Variants in EPB41L1 observed in about 807,000 individuals in gnomAD.
EPB41L1 encodes the protein band 4.1-like protein 1.
Under a neutral mutation model 97.8 loss-of-function variants are expected in EPB41L1, and 29 were observed. The observed-to-expected ratio is 0.30, with a 90% CI of 0.22 to 0.40. The LOEUF (loss-of-function observed/expected upper bound fraction) is 0.40, where lower values mean the gene tolerates loss of function less well. Among genes scored for constraint, EPB41L1 ranks in the 10% least tolerant of loss-of-function variants. The pLI, the probability that EPB41L1 is intolerant of heterozygous loss-of-function variation, is 1.00. For synonymous variants in EPB41L1, 383 were observed against 459.2 expected, an observed-to-expected ratio of 0.83 and a Z score of 2.12; for missense variants, 812 against 1,162.3, an observed-to-expected ratio of 0.70 and a Z score of 4.38.
In EPB41L1 at chr20:36,209,956, C is replaced by T. The variant is rs1351949756; in HGVS notation, c.2079+58C>T. On this transcript the variant is annotated intron_variant, in intron 15 of 21. Coordinates refer to ENST00000338074, the MANE Select transcript of EPB41L1 (RefSeq NM_012156.2). This position sits in a 1 kb window ranked among gnomAD's most constrained non-coding sequence, Gnocchi z 4.2. ...CTGGGCACCGCATGCTCAGAGGGCC[C>T]TGGGCCACCCGTGAGAAGACCGAGC... 25 of 1,590,156 alleles carry T rather than the reference C, an allele frequency of 1.6e-5. No individual in the cohort carries two copies. Among genetic ancestry groups the T allele is most frequent in the Non-Finnish European group, 2.0e-5 (23 of 1,168,584 alleles).
intron 1 of EPB41L1, among the ~76,000 whole-genome samples, chr20:36,098,783 A>G (rs935986793): frequency 6.6e-6 from 1 of 152,200 alleles, no homozygotes; most frequent in Non-Finnish European, 1.5e-5. Context: ...TTAGTTCCAC[A>G]GGGCTACATC....
In EPB41L1 at chr20:36,187,688, G is replaced by A. The variant is rs755033145; in HGVS notation, c.798G>A (p.Pro266=). 76 of 1,613,982 alleles carry A rather than the reference G, an allele frequency of 4.7e-5. No individual in the cohort carries two copies. The highest frequency in any genetic ancestry group is 1.0e-4 in the Admixed American group (6 of 60,004). ...ELHKTYRGMT[P]GEAEIHFLEN... ...TTCTTTCCCTCAGGGGGATGACCCC[G>A]GGAGAAGCAGAAATCCACTTCTTAG... Residue 266 remains proline (P), a synonymous_variant, in exon 8 of 22, where the codon CCG becomes CCA. Transcript: ENST00000338074.
Position 36,229,451 on chromosome 20 carries a change from TA to T in EPB41L1, c.*112del. 2.0e-6 allele frequency: 2 copies of T among 1,004,446 alleles called. No individual in the cohort carries two copies. Among genetic ancestry groups the T allele is most frequent in the Non-Finnish European group, 3.2e-6 (2 of 625,614 alleles). 62.2% of individuals were successfully genotyped at this position (1,004,446 alleles called of 1,614,324 possible). ...CAACACTGACGTCCCAGCTGCGACG[TA>T]CTGTCACTGATGAGAGACTGGGAAG... On this transcript the variant is annotated 3_prime_UTR_variant, in exon 22 of 22. Transcript: ENST00000338074.
intron 14 of EPB41L1, among the ~76,000 whole-genome samples, chr20:36,199,724 C>T (rs1428490685): frequency 6.6e-6 from 1 of 152,216 alleles, no homozygotes; most frequent in East Asian, 1.9e-4. Context: ...GAACAACATC[C>T]TCTTCTGCCC....
intron 2 of EPB41L1, 47 bp from the exon 3 acceptor site, chr20:36,175,504 T>C (rs374593631): frequency 1.2e-6 from 2 of 1,611,768 alleles, no homozygotes; most frequent in Non-Finnish European, 1.7e-6. Context: ...TGAAAGGCCA[T>C]GGCTTAAAAC....
At chr20:36,100,626 C>T (rs1288460257) in intron 1 of EPB41L1, among the ~76,000 whole-genome samples, 3 of 152,194 alleles carry the variant, frequency 2.0e-5, no homozygotes, top group African/African-American at 7.2e-5. Flanking sequence ...TTGCCCAAGG[C>T]CTACGCAGTC....
chr20:36,152,883 G>T, upstream of EPB41L1: 1 of 447,966 alleles, frequency 2.2e-6, no homozygotes, highest in Non-Finnish European at 4.5e-6. Flanking sequence ...GACAGGATTT[G>T]TACAGAAGGC....
intron 2 of EPB41L1, among the ~76,000 whole-genome samples, chr20:36,122,177 T>C (rs1434756333): frequency 1.3e-5 from 2 of 152,160 alleles, no homozygotes; most frequent in African/African-American, 4.8e-5. Flanking sequence ...AGTGTCTCCA[T>C]GTCATTTGTC....
chr20:36,152,235 T>G (rs1203849203), upstream of EPB41L1: 1 of 152,102 alleles, frequency 6.6e-6, no homozygotes, highest in South Asian at 2.1e-4. Context: ...ATAATCAAAA[T>G]AATTAAAATA....
chr20:36,178,614 C>CTT lies in EPB41L1; in HGVS notation c.448-15_448-14insTT. The CTT allele has an allele frequency of 6.2e-7, 1 of 1,613,840 alleles. No homozygotes were observed. Among genetic ancestry groups the CTT allele is most frequent in the Admixed American group, 1.7e-5 (1 of 60,020 alleles). On this transcript the variant is annotated splice_polypyrimidine_tract_variant and intron_variant, in intron 4 of 21. Transcript: ENST00000338074. ...TCCTGCGTCTTCCCTCTGAAGATCTCTATCTTTTCTTTTAGAACTGGCTGG... is the reference window on the plus strand; with the variant it reads ...TCCTGCGTCTTCCCTCTGAAGATCTCTTTATCTTTTCTTTTAGAACTGGCTGG...
Position 36,195,039 on chromosome 20 carries a change from A to T in EPB41L1, c.1450-290A>T, listed in dbSNP as rs1347781015. Among the ~76,000 whole-genome samples the T allele has an allele frequency of 6.6e-6, 1 of 152,172 alleles. No homozygotes were observed. The highest frequency in any genetic ancestry group is 1.5e-5 in the Non-Finnish European group (1 of 68,018). On this transcript the variant is annotated intron_variant, in intron 12 of 21. Transcript: ENST00000338074. The surrounding 1 kb of genome is among the most constrained non-coding windows in gnomAD (Gnocchi z 4.6). ...CAGGGCCTTGAACATGCTCCCACTG[A>T]CAGCGAGAGCAGGGAACTCCATTCT...
chr20:36,197,911 A>G lies in EPB41L1; in HGVS notation c.1538A>G (p.Glu513Gly). 6.2e-7 allele frequency: 1 copy of G among 1,614,122 alleles called. No individual in the cohort carries two copies. Among genetic ancestry groups the G allele is most frequent in the Non-Finnish European group, 8.5e-7 (1 of 1,180,016 alleles). ...CTGAAGCACCAGGCCAGCATCAATG[A>G]GCTCAAAAGGACCCTGAAGGAGCCC... ...VLLKHQASIN[E>G]LKRTLKEPNS... The change falls in exon 14 of 22, where the codon GAG becomes GGG. Residue 513 changes from glutamate (E) to glycine (G), a missense_variant. Glu to Gly is a moderately conservative substitution (Grantham distance 98). Around this residue, in one of 3 missense-constraint regions of EPB41L1, gnomAD observed 498 missense variants for 622.7 expected, o/e 0.80. Coordinates refer to ENST00000338074, the MANE Select transcript of EPB41L1 (RefSeq NM_012156.2).
chr20:36,190,195 A>G lies in EPB41L1; in HGVS notation c.1027-82A>G. 8.5e-7 allele frequency: 1 copy of G among 1,177,458 alleles called. No homozygotes were observed. The allele number at this position is 1,177,458 out of a possible 1,614,324, so 72.9% of individuals were successfully genotyped here. On this transcript the variant is annotated intron_variant, in intron 9 of 21. Coordinates refer to ENST00000338074, the MANE Select transcript of EPB41L1 (RefSeq NM_012156.2). This position sits in a 1 kb window ranked among gnomAD's most constrained non-coding sequence, Gnocchi z 5.8. Reference sequence around the variant, plus strand: ...TGTGTCTCAAAAAAACATTAAACAAATAAAATAAAAAACACAAAGAATGGG... The same window carrying G: ...TGTGTCTCAAAAAAACATTAAACAAGTAAAATAAAAAACACAAAGAATGGG...
chr20:36,112,345 A>G (rs866443474), intron 1 of EPB41L1: 8 of 152,216 alleles, frequency 5.3e-5, no homozygotes, highest in African/African-American at 1.2e-4. Flanking sequence ...CAGAGAGTCA[A>G]ATGCCAGCCT....
intron 11 of EPB41L1, among the ~76,000 whole-genome samples, chr20:36,192,156 G>T (rs2061983129): frequency 6.6e-6 from 1 of 151,850 alleles, no homozygotes; most frequent in Admixed American, 6.6e-5. Context: ...GACCTGGGAG[G>T]CAGAGGTTGC....
chr20:36,195,643 C>A lies in EPB41L1; in HGVS notation c.1485+279C>A, dbSNP rs1422219940. ...CCTCTCCCCAGCTCACCCGGTCCTC[C>A]ATACTTGCAGCTCACCTGCTGACCA... is the stretch of plus-strand genomic sequence containing the variant. On this transcript the variant is annotated intron_variant, in intron 13 of 21. Coordinates refer to ENST00000338074, the MANE Select transcript of EPB41L1 (RefSeq NM_012156.2). This position sits in a 1 kb window ranked among gnomAD's most constrained non-coding sequence, Gnocchi z 4.6. Among the ~76,000 whole-genome samples, 1 of 152,176 alleles carries A rather than the reference C, an allele frequency of 6.6e-6. No homozygotes were observed.
intron 2 of EPB41L1, among the ~76,000 whole-genome samples, chr20:36,136,589 CTT>C (rs200537490): frequency 2.4e-4 from 34 of 143,206 alleles, no homozygotes; most frequent in African/African-American, 5.6e-4. Flanking sequence ...TTTTTTCTTT[CTT>C]TTTTTTTTTT....
intron 2 of EPB41L1, chr20:36,121,676 C>T (rs886780853): frequency 6.6e-6 from 1 of 152,176 alleles, no homozygotes; most frequent in Non-Finnish European, 1.5e-5. Context: ...GAAGTGACCA[C>T]TGGGCTGAGT....
rs375816125 is a variant in EPB41L1, at chr20:36,209,478, C to G, written c.1669-10C>G. On this transcript the variant is annotated splice_polypyrimidine_tract_variant and intron_variant, in intron 14 of 21. Coordinates refer to ENST00000338074, the MANE Select transcript of EPB41L1 (RefSeq NM_012156.2). This position sits in a 1 kb window ranked among gnomAD's most constrained non-coding sequence, Gnocchi z 4.2. ...CACATCCCCATTCTTTTGATTTTAT[C>G]TGGCCATAGAGAGCAGGGCTGAGGG... 7.8e-5 allele frequency: 126 copies of G among 1,612,504 alleles called. No individual in the cohort carries two copies. The highest frequency in any genetic ancestry group is 9.9e-5 in the Non-Finnish European group (117 of 1,179,050).
Sources: allele counts gnomAD v4.1 joint callset (sites outside exome capture counted in the v4.1 genomes callset), GRCh38; gene constraint gnomAD v4.1.1; regional missense constraint gnomAD v4.1.1; non-coding constraint Gnocchi (gnomAD v3.1); transcripts MANE v1.5; gene names NCBI Gene and HGNC (gene_info 2026-07-23, HGNC 2026-07-21).